ESR2: variants seen among roughly 807,000 people sequenced by gnomAD.
ESR2 encodes the protein estrogen receptor beta.
A neutral mutation model predicts 49.6 loss-of-function variants in ESR2; 36 were observed. The ratio of observed to expected loss-of-function variants is 0.73; its 90% CI spans 0.56 to 0.96. ESR2 has a LOEUF of 0.96. Among genes scored for constraint, ESR2 ranks in the 40% least tolerant of loss-of-function variants. The pLI, the probability that ESR2 is intolerant of heterozygous loss-of-function variation, is 0.00. For missense variants in ESR2, 714 were observed against 693.0 expected (o/e 1.03, Z -0.34); for synonymous variants, 320 against 266.1 (o/e 1.20, Z -1.97).
At chr14:64,330,273 T>C (rs1410612441) in intron 1 of ESR2, 1 of 151,536 alleles carries the variant, frequency 6.6e-6, no homozygotes, top group Non-Finnish European at 1.5e-5. Flanking sequence ...CTACTAAAAA[T>C]ACAAAAGTAG....
chr14:64,281,235 G>A (rs551857862), intron 2 of ESR2, among the ~76,000 whole-genome samples: 56 of 152,274 alleles, frequency 3.7e-4, no homozygotes, highest in African/African-American at 1.3e-3. Context: ...GGAACGAAAA[G>A]TCTAACAAGG....
chr14:64,242,483 T>G (rs1327429174), intron 7 of ESR2, among the ~76,000 whole-genome samples: 1 of 150,912 alleles, frequency 6.6e-6, no homozygotes, highest in Non-Finnish European at 1.5e-5. Flanking sequence ...CATATGGTTT[T>G]TCATTATTAT....
chr14:64,242,210 G>A (rs2075742233), intron 7 of ESR2, among the ~76,000 whole-genome samples: 1 of 152,040 alleles, frequency 6.6e-6, no homozygotes, highest in South Asian at 2.1e-4. Flanking sequence ...AGCAGTTTGA[G>A]ACCATCCTGG....
In ESR2 at chr14:64,279,855, G is replaced by T. The variant is rs374297507; in HGVS notation, c.535+126C>A. 24 of 790,552 alleles carry T rather than the reference G, an allele frequency of 3.0e-5. No homozygotes were observed. In the African/African-American group the frequency reaches 3.8e-4, roughly 12 times the overall value. 49.0% of individuals were successfully genotyped at this position (790,552 alleles called of 1,614,324 possible). A position where few individuals can be genotyped will look rare whatever the true frequency, so the allele number is the denominator to read the frequency against. On this transcript the variant is annotated intron_variant, in intron 3 of 8. Transcript: ENST00000341099. ...CACTTCCAAACACACATGATCCTCT[G>T]AACTGCTCATCAAATACTTTGTGTG...
chr14:64,293,492 C>G (rs1486142066), intron 1 of ESR2, among the ~76,000 whole-genome samples: 4 of 152,306 alleles, frequency 2.6e-5, no homozygotes, highest in African/African-American at 9.6e-5. Flanking sequence ...TATTGTCCTT[C>G]CAATAAGAAT....
intron 7 of ESR2, among the ~76,000 whole-genome samples, chr14:64,238,286 G>A (rs2075648228): frequency 6.6e-6 from 1 of 152,214 alleles, no homozygotes; most frequent in Non-Finnish European, 1.5e-5. Context: ...ATCAGCCACA[G>A]CGGTTTGGGG....
intron 1 of ESR2, among the ~76,000 whole-genome samples, chr14:64,314,800 C>T: frequency 6.9e-6 from 1 of 144,040 alleles, no homozygotes; most frequent in South Asian, 2.2e-4. Context: ...ATCACTTGAA[C>T]CTGGGAGGCG....
intron 1 of ESR2, among the ~76,000 whole-genome samples, chr14:64,287,811 G>C (rs2076806189): frequency 6.6e-6 from 1 of 152,122 alleles, no homozygotes; most frequent in Admixed American, 6.6e-5. Context: ...CTCCCCAAAA[G>C]ATTTAATTTC....
chr14:64,239,534 G>A (rs935257261), intron 7 of ESR2, among the ~76,000 whole-genome samples: 11 of 152,262 alleles, frequency 7.2e-5, no homozygotes, highest in Non-Finnish European at 1.3e-4. Context: ...GATAATCAAT[G>A]TAATTAATTA....
intron 3 of ESR2, among the ~76,000 whole-genome samples, chr14:64,276,231 A>T (rs1397417273): frequency 6.6e-6 from 1 of 152,220 alleles, no homozygotes; most frequent in East Asian, 1.9e-4. Flanking sequence ...TTTGTCATAC[A>T]TGTAATAATA....
intron 3 of ESR2, among the ~76,000 whole-genome samples, chr14:64,277,041 T>G (rs146027327): frequency 8.9e-4 from 136 of 152,144 alleles, no homozygotes; most frequent in African/African-American, 3.2e-3. Context: ...GAACAAAAAG[T>G]AAAGGATAAG....
At chr14:64,233,593 T>C in intron 8 of ESR2, 1 of 417,110 alleles carries the variant, frequency 2.4e-6, no homozygotes, top group Non-Finnish European at 4.4e-6. Flanking sequence ...TTGCGGTAAT[T>C]ATGTTCCGTA....
chr14:64,257,575 G>A (rs1596401182), intron 5 of ESR2, among the ~76,000 whole-genome samples: 1 of 152,210 alleles, frequency 6.6e-6, no homozygotes, highest in East Asian at 1.9e-4. Flanking sequence ...CCCTTCTAGA[G>A]ACAAATATAC....
chr14:64,287,001 G>A (rs561225059), intron 1 of ESR2, among the ~76,000 whole-genome samples: 3 of 150,550 alleles, frequency 2.0e-5, no homozygotes, highest in Non-Finnish European at 4.4e-5. Flanking sequence ...ACAGGTGTGA[G>A]TCACCGTGCC....
At chr14:64,227,645 T>C, downstream of ESR2, 1 of 1,613,346 alleles carries the variant, frequency 6.2e-7, no homozygotes, top group Non-Finnish European at 8.5e-7. Flanking sequence ...AAGTCAAAGT[T>C]GCAGTGAAAG....
chr14:64,243,787 G>A (rs575403265), intron 7 of ESR2, among the ~76,000 whole-genome samples: 9 of 152,090 alleles, frequency 5.9e-5, no homozygotes, highest in African/African-American at 1.4e-4. Context: ...TGTTTCGCCC[G>A]CTCCTTTCTG....
chr14:64,331,373 A>C (rs972134101), intron 1 of ESR2, among the ~76,000 whole-genome samples: 2 of 152,236 alleles, frequency 1.3e-5, no homozygotes, highest in African/African-American at 4.8e-5. Flanking sequence ...GATAGAACTA[A>C]ATAAACAGAC....
intron 7 of ESR2, among the ~76,000 whole-genome samples, chr14:64,240,882 C>T (rs1339108525): frequency 6.6e-6 from 1 of 152,028 alleles, no homozygotes; most frequent in Admixed American, 6.5e-5. Context: ...CGGTGGCTCA[C>T]GCTTGTAATC....
intron 5 of ESR2, among the ~76,000 whole-genome samples, chr14:64,259,784 C>T (rs911505704): frequency 1.3e-5 from 2 of 152,174 alleles, no homozygotes. Flanking sequence ...CATTTATGTA[C>T]ATAATATTGA....
Sources: gnomAD v4.1 joint callset for allele counts (sites outside exome capture counted in the v4.1 genomes callset) on GRCh38, gnomAD v4.1.1 for gene constraint, MANE v1.5 for transcripts, NCBI Gene and HGNC (gene_info 2026-07-23, HGNC 2026-07-21) for gene names.